Variants in EHBP1 observed in about 807,000 individuals in gnomAD.
The protein encoded by EHBP1 is EH domain-binding protein 1.
A neutral mutation model predicts 144.0 loss-of-function variants in EHBP1; 55 were observed. The ratio of observed to expected loss-of-function variants is 0.38; its 90% CI spans 0.31 to 0.48. The LOEUF is 0.48. Among genes scored for constraint, EHBP1 ranks in the 20% least tolerant of loss-of-function variants. The pLI is 0.98. For missense variants in EHBP1, 1,200 were observed against 1,364.2 expected (o/e 0.88, Z 1.90); for synonymous variants, 469 against 472.7 (o/e 0.99, Z 0.10).
Position 62,812,483 on chromosome 2 carries a change from A to G in EHBP1, c.313-13604A>G, listed in dbSNP as rs368723246. 6.6e-5 allele frequency among the ~76,000 whole-genome samples: 10 copies of G among 152,320 alleles called. No homozygotes were observed. The East Asian group carries it at 1.2e-3, about 18-fold the overall frequency. On this transcript the variant is annotated intron_variant, in intron 5 of 22. Coordinates refer to ENST00000431489, the MANE Select transcript of EHBP1 (RefSeq NM_001142616.3). Reference sequence around the variant, plus strand: ...AGTTTTGGTGAGGGCTCGGGAGAATACAAGAGCTGTAGGGAGAGCCTAGCT... The same window carrying G: ...AGTTTTGGTGAGGGCTCGGGAGAATGCAAGAGCTGTAGGGAGAGCCTAGCT...
chr2:62,690,715 G>A (rs774339708), intron 1 of EHBP1, among the ~76,000 whole-genome samples: 20 of 151,978 alleles, frequency 1.3e-4, no homozygotes, highest in East Asian at 1.9e-4. Context: ...AGTCCTTTGC[G>A]CCCCTCAAGA....
chr2:62,847,125 T>C (rs2048349331), intron 7 of EHBP1, among the ~76,000 whole-genome samples: 2 of 152,120 alleles, frequency 1.3e-5, no homozygotes, highest in South Asian at 4.1e-4. Context: ...ATAGGATAAA[T>C]AGATCAACAG....
intron 9 of EHBP1, among the ~76,000 whole-genome samples, chr2:62,865,469 A>G (rs1249529104): frequency 6.6e-6 from 1 of 152,192 alleles, no homozygotes; most frequent in Non-Finnish European, 1.5e-5. Context: ...TAGGGCTGCC[A>G]TTTGCCCAAA....
At chr2:63,000,219 G>A (rs936919901) in intron 19 of EHBP1, among the ~76,000 whole-genome samples, 4 of 152,164 alleles carry the variant, frequency 2.6e-5, no homozygotes, top group Non-Finnish European at 5.9e-5. Context: ...AACAAGATGG[G>A]GAGGTGCCAG....
At chr2:62,822,090 T>C (rs1015894184) in intron 5 of EHBP1, among the ~76,000 whole-genome samples, 1 of 151,566 alleles carries the variant, frequency 6.6e-6, no homozygotes, top group Non-Finnish European at 1.5e-5. Flanking sequence ...TAACCAAAAG[T>C]TTTTTTTTAA....
At chr2:62,886,209 C>T (rs1425326088) in intron 10 of EHBP1, among the ~76,000 whole-genome samples, 1 of 152,150 alleles carries the variant, frequency 6.6e-6, no homozygotes. Context: ...GTCTCAGGGC[C>T]ATTCCTGCTG....
chr2:62,941,631 G>A (rs1269988967), intron 10 of EHBP1, among the ~76,000 whole-genome samples: 1 of 152,064 alleles, frequency 6.6e-6, no homozygotes, highest in East Asian at 1.9e-4. Context: ...TTTGTCAAGT[G>A]GGGGCATCAT....
chr2:62,722,616 T>TG (rs2036344663), intron 2 of EHBP1, among the ~76,000 whole-genome samples: 1 of 152,188 alleles, frequency 6.6e-6, no homozygotes, highest in African/African-American at 2.4e-5. Flanking sequence ...CAGGACCATA[T>TG]GTTACATTTA....
At chr2:63,029,793 G>A (rs973067091) in intron 19 of EHBP1, among the ~76,000 whole-genome samples, 6 of 152,224 alleles carry the variant, frequency 3.9e-5, no homozygotes, top group Non-Finnish European at 5.9e-5. Context: ...GTGCAGTGGC[G>A]CAGTCTCAGC....
intron 17 of EHBP1, 65 bp downstream of exon 17, chr2:62,993,733 GTATA>G: frequency 9.5e-6 from 7 of 739,794 alleles, no homozygotes; most frequent in Non-Finnish European, 1.3e-5. Context: ...TCTATATATA[GTATA>G]TATATATAGT....
intron 13 of EHBP1, among the ~76,000 whole-genome samples, chr2:62,952,008 T>C (rs760552433): frequency 6.6e-6 from 1 of 152,210 alleles, no homozygotes; most frequent in Admixed American, 6.5e-5. Context: ...CTCGATCTTA[T>C]TTTCCATGTA....
chr2:62,720,799 T>TA (rs2036151825), intron 2 of EHBP1, among the ~76,000 whole-genome samples: 2 of 152,154 alleles, frequency 1.3e-5, no homozygotes, highest in African/African-American at 4.8e-5. Flanking sequence ...CCATGTAAAA[T>TA]ACACTAACAC....
At chr2:62,674,118 G>A (rs1251777486) in intron 1 of EHBP1, 1 of 471,090 alleles carries the variant, frequency 2.1e-6, no homozygotes, top group East Asian at 6.9e-5. Flanking sequence ...TCCTCCTAAT[G>A]TTCTAGAAGC....
In EHBP1 at chr2:62,808,050, C is replaced by T. The variant is rs1828397; in HGVS notation, c.313-18037C>T. 6.6e-3 allele frequency among the ~76,000 whole-genome samples: 978 copies of T among 148,224 alleles called. 13 individuals are homozygous for T. Among genetic ancestry groups the T allele is most frequent in the African/African-American group, 0.024 (948 of 40,228 alleles). ...CCTGGCCGACAAAGTGAGACCCTATCTCTAAAAAAAAAAAAAAGAAAGAAA... is the reference window on the plus strand; with the variant it reads ...CCTGGCCGACAAAGTGAGACCCTATTTCTAAAAAAAAAAAAAAGAAAGAAA... On this transcript the variant is annotated intron_variant, in intron 5 of 22. Transcript: ENST00000431489.
chr2:62,852,461 A>G (rs571534406), intron 7 of EHBP1, among the ~76,000 whole-genome samples: 1 of 152,050 alleles, frequency 6.6e-6, no homozygotes, highest in African/African-American at 2.4e-5. Flanking sequence ...TATGTTTACA[A>G]AGTTATTCCT....
intron 2 of EHBP1, among the ~76,000 whole-genome samples, chr2:62,721,602 T>G (rs564706260): frequency 1.3e-5 from 2 of 152,338 alleles, no homozygotes; most frequent in South Asian, 4.1e-4. Flanking sequence ...CTATTTTTCT[T>G]TAAAGTTTTG....
intron 6 of EHBP1, among the ~76,000 whole-genome samples, chr2:62,827,790 C>T (rs956582667): frequency 1.3e-5 from 2 of 152,042 alleles, no homozygotes; most frequent in African/African-American, 4.8e-5. Flanking sequence ...GCCTCAGCCT[C>T]CCGAGTAGCT....
At chr2:62,971,578 C>T (rs1379016085) in intron 14 of EHBP1, among the ~76,000 whole-genome samples, 1 of 152,138 alleles carries the variant, frequency 6.6e-6, no homozygotes, top group African/African-American at 2.4e-5. Context: ...AGGGCCAGTG[C>T]TTTGATATCA....
chr2:62,838,375 A>T (rs1278068567), intron 7 of EHBP1, among the ~76,000 whole-genome samples: 2 of 151,516 alleles, frequency 1.3e-5, no homozygotes, highest in African/African-American at 2.4e-5. Flanking sequence ...CTAAATGCCC[A>T]CAAGAGAAAG....
Sources: allele counts gnomAD v4.1 joint callset (sites outside exome capture counted in the v4.1 genomes callset), GRCh38; gene constraint gnomAD v4.1.1; transcripts MANE v1.5; gene names NCBI Gene and HGNC (gene_info 2026-07-23, HGNC 2026-07-21).